The following ARHGEF33 variants were observed in gnomAD, a reference collection of about 807,000 sequenced individuals.
The protein encoded by ARHGEF33 is DH and coiled-coil domain-containing protein ENSP00000381780.
A neutral mutation model predicts 101.9 loss-of-function variants in ARHGEF33; 72 were observed. The ratio of observed to expected loss-of-function variants is 0.71; its 90% CI spans 0.58 to 0.86. ARHGEF33 has a LOEUF of 0.86. ARHGEF33 is among the 40% of genes least tolerant of loss of function. The pLI is 0.00. For synonymous variants in ARHGEF33, 499 were observed against 442.5 expected, an observed-to-expected ratio of 1.13 and a Z score of -1.60; for missense variants, 1,169 against 1,111.3, an observed-to-expected ratio of 1.05 and a Z score of -0.74.
At chr2:38,952,852 T>G (rs1190007009) in intron 11 of ARHGEF33, among the ~76,000 whole-genome samples, 3 of 152,112 alleles carry the variant, frequency 2.0e-5, no homozygotes, top group Non-Finnish European at 2.9e-5. Flanking sequence ...GCACCTGCCA[T>G]CATGCCTGGC....
rs150454196 is a variant in ARHGEF33 at position 38,899,121 on chromosome 2, C to G, written c.-86+3272C>G. Among the ~76,000 whole-genome samples, 540 of 152,094 alleles carry G rather than the reference C, an allele frequency of 3.6e-3. 6 individuals are homozygous for G. Among genetic ancestry groups the G allele is most frequent in the Middle Eastern group, 3.4e-3 (1 of 294 alleles). On this transcript the variant is annotated intron_variant, in intron 2 of 17. Coordinates refer to ENST00000409978, the MANE Select transcript of ARHGEF33 (RefSeq NM_001145451.5). ...GAAAGAAATAATTGATTATAAACATCTCCTGAAATTAAATTCAACTCAAAC... is the reference window on the plus strand; with the variant it reads ...GAAAGAAATAATTGATTATAAACATGTCCTGAAATTAAATTCAACTCAAAC...
chr2:38,955,481 CTTTTTTTTTTTTTT>C (rs3085350), intron 13 of ARHGEF33, among the ~76,000 whole-genome samples: 1 of 71,186 alleles, frequency 1.4e-5, no homozygotes, highest in Non-Finnish European at 2.4e-5. Context: ...ATTGAAAAGA[CTTTTTTTTTTTTTT>C]TTTTTTTTTT....
At chr2:38,937,282 A>G in intron 8 of ARHGEF33, 53 bp from the exon 9 acceptor site, 1 of 858,418 alleles carries the variant, frequency 1.2e-6, no homozygotes, top group South Asian at 1.5e-5. Flanking sequence ...TTTTTTAAAA[A>G]GATTTTGATA....
intron 10 of ARHGEF33, among the ~76,000 whole-genome samples, chr2:38,944,979 G>T (rs962968514): frequency 5.3e-5 from 8 of 151,856 alleles, no homozygotes; most frequent in African/African-American, 1.9e-4. Flanking sequence ...TCTGTTCATA[G>T]TCTAGATTTT....
intron 9 of ARHGEF33, among the ~76,000 whole-genome samples, chr2:38,938,742 C>G (rs991810373): frequency 2.0e-5 from 3 of 152,124 alleles, no homozygotes; most frequent in African/African-American, 7.2e-5. Flanking sequence ...CTTTGCCAGT[C>G]AATATCCACC....
In ARHGEF33 at chr2:38,929,835, G is replaced by A; in HGVS notation, c.362+5G>A. ...ATCTCGAAAAGTTAAAGCCAAGTGA[G>A]TGTCTTTTAAAAATGTACCAAAGGC... On this transcript the variant is annotated splice_donor_5th_base_variant and intron_variant, in intron 6 of 17. Transcript: ENST00000409978. 1 of 1,550,642 alleles carries A rather than the reference G, an allele frequency of 6.4e-7. No homozygotes were observed. The highest frequency in any genetic ancestry group is 8.7e-7 in the Non-Finnish European group (1 of 1,146,352).
In ARHGEF33 at chr2:38,921,409, A is replaced by C. The variant is rs201910615; in HGVS notation, c.61A>C (p.Thr21Pro). 2 of 1,545,222 alleles carry C rather than the reference A, an allele frequency of 1.3e-6. No homozygotes were observed. The highest frequency in any genetic ancestry group is 4.9e-5 in the East Asian group (2 of 40,896). The change falls in exon 4 of 18, where the codon ACG becomes CCG. Residue 21 changes from threonine (T) to proline (P), a missense_variant. Coordinates refer to ENST00000409978, the MANE Select transcript of ARHGEF33 (RefSeq NM_001145451.5). ...ACATATGCCGGTGAATAATCCTTCC[A>C]CGCAGATTTACCAGGTAAAGACAAA... Reference protein sequence around the residue: ...NEHMPVNNPSTQIYQLQALAS... With the variant: ...NEHMPVNNPSPQIYQLQALAS...
At chr2:38,944,073 A>G (rs746840491) in intron 10 of ARHGEF33, 43 bp downstream of exon 10, 1 of 1,520,064 alleles carries the variant, frequency 6.6e-7, no homozygotes, top group South Asian at 1.3e-5. Flanking sequence ...ATTGATTAGG[A>G]TTTAAGGTAA....
chr2:38,956,107 A>G (rs1360586303), intron 13 of ARHGEF33, among the ~76,000 whole-genome samples: 1 of 152,198 alleles, frequency 6.6e-6, no homozygotes, highest in Non-Finnish European at 1.5e-5. Context: ...GCAGGGCCAA[A>G]TAAGTTAACA....
chr2:38,931,558 G>GA (rs1389769186), intron 7 of ARHGEF33, among the ~76,000 whole-genome samples: 3 of 151,990 alleles, frequency 2.0e-5, no homozygotes, highest in Admixed American at 1.3e-4. Context: ...AGAAATGTTA[G>GA]AAAAAAATCA....
chr2:38,971,905 C>G, intron 17 of ARHGEF33: 1 of 718,450 alleles, frequency 1.4e-6, no homozygotes, highest in Non-Finnish European at 2.6e-6. Flanking sequence ...TTCTGTGGTC[C>G]TTGGGGCTGG....
At chr2:38,913,908 T>A (rs1666571444) in intron 2 of ARHGEF33, among the ~76,000 whole-genome samples, 1 of 147,810 alleles carries the variant, frequency 6.8e-6, no homozygotes, top group Non-Finnish European at 1.5e-5. Context: ...ACTCCTTGGT[T>A]AAAAAAAAAA....
Position 38,966,139 on chromosome 2 carries a change from A to G in ARHGEF33, c.2477A>G (p.Lys826Arg). ...GFRSSFRKLF[K>R]KKSSGSEYRE... ...CGCAGCTCCTTCCGCAAGCTCTTTAAAAAGAAGTGAGTAGCCCTTAGACAA... is the reference window on the plus strand; with the variant it reads ...CGCAGCTCCTTCCGCAAGCTCTTTAGAAAGAAGTGAGTAGCCCTTAGACAA... Residue 826 changes from lysine (K) to arginine (R), a missense_variant, in exon 17 of 18, where the codon AAA becomes AGA. Lys to Arg is a conservative substitution (Grantham distance 26). Coordinates refer to ENST00000409978, the MANE Select transcript of ARHGEF33 (RefSeq NM_001145451.5). 1 of 1,551,574 alleles carries G rather than the reference A, an allele frequency of 6.4e-7. No homozygotes were observed. The highest frequency in any genetic ancestry group is 8.7e-7 in the Non-Finnish European group (1 of 1,146,962).
intron 10 of ARHGEF33, among the ~76,000 whole-genome samples, chr2:38,946,719 G>A (rs1024331088): frequency 3.9e-5 from 6 of 152,040 alleles, no homozygotes; most frequent in Admixed American, 6.6e-5. Flanking sequence ...TCCACTTCCC[G>A]GGTTCAAGTG....
chr2:38,915,646 A>G (rs529419927), intron 2 of ARHGEF33, among the ~76,000 whole-genome samples: 1 of 152,276 alleles, frequency 6.6e-6, no homozygotes, highest in South Asian at 2.1e-4. Context: ...TGCTGGGATT[A>G]CAAGCATGAG....
chr2:38,922,833 C>G (rs539877590), intron 4 of ARHGEF33, among the ~76,000 whole-genome samples: 19 of 152,254 alleles, frequency 1.2e-4, no homozygotes, highest in African/African-American at 3.6e-4. Flanking sequence ...TACTTAAGGA[C>G]AAGTTGATCA....
Position 38,951,106 on chromosome 2 carries a change from G to GT in ARHGEF33, c.1040dup (p.Leu347PhefsTer4), listed in dbSNP as rs1217282675. ...GCGTTCTTGGAGATTTATTCCTTAA[G>GT]TTAACAAATGACGAGGTAAGGTTTT... On this transcript the variant is annotated frameshift_variant, in exon 11 of 18. Transcript: ENST00000409978. LOFTEE classifies it high-confidence loss of function. 4 of 1,551,670 alleles carry GT rather than the reference G, an allele frequency of 2.6e-6. No homozygotes were observed. Among genetic ancestry groups the GT allele is most frequent in the Non-Finnish European group, 3.5e-6 (4 of 1,146,928 alleles).
intron 7 of ARHGEF33, among the ~76,000 whole-genome samples, chr2:38,935,372 G>C (rs971017289): frequency 6.6e-6 from 1 of 151,280 alleles, no homozygotes; most frequent in African/African-American, 2.4e-5. Flanking sequence ...TGGGGGGAGG[G>C]GGTGGGGGGT....
chr2:38,901,976 G>A (rs919209720), intron 2 of ARHGEF33, among the ~76,000 whole-genome samples: 8 of 152,064 alleles, frequency 5.3e-5, no homozygotes, highest in Admixed American at 2.0e-4. Flanking sequence ...TTAGCTGGGC[G>A]TGTTGGCGGG....
Sources: allele counts gnomAD v4.1 joint callset (sites outside exome capture counted in the v4.1 genomes callset), GRCh38; gene constraint gnomAD v4.1.1; transcripts MANE v1.5; gene names NCBI Gene and HGNC (gene_info 2026-07-23, HGNC 2026-07-21).